The following SGCG variants were observed in gnomAD, a reference collection of about 807,000 sequenced individuals.
SGCG encodes the protein gamma-sarcoglycan.
A neutral mutation model predicts 29.3 loss-of-function variants in SGCG; 26 were observed. The observed-to-expected ratio is 0.89, with a 90% CI of 0.65 to 1.23. The LOEUF (loss-of-function observed/expected upper bound fraction) is 1.23, where lower values mean the gene tolerates loss of function less well. Ranked by LOEUF, SGCG falls within the 50% of genes most tolerant of loss-of-function variation. The pLI, the probability that SGCG is intolerant of heterozygous loss-of-function variation, is 0.00. For synonymous variants in SGCG, 145 were observed against 129.7 expected (o/e 1.12, Z -0.80); for missense variants, 353 against 356.0 (o/e 0.99, Z 0.07).
chr13:23,286,842 TACAGG>T (rs1390679625), intron 5 of SGCG, among the ~76,000 whole-genome samples: 2 of 152,244 alleles, frequency 1.3e-5, no homozygotes, highest in Non-Finnish European at 2.9e-5. Flanking sequence ...AGGTGAATGA[TACAGG>T]ATTGTGTATA....
chr13:23,314,407 T>TATATATATATATATATATATATATAA (rs1439124394), intron 6 of SGCG, among the ~76,000 whole-genome samples: 6 of 140,944 alleles, frequency 4.3e-5, no homozygotes, highest in African/African-American at 1.6e-4. Context: ...TATATATATA[T>TATATATATATATATATATATATATAA]AATCTTATTC....
At chr13:23,276,662 T>G (rs1367129918) in intron 4 of SGCG, among the ~76,000 whole-genome samples, 1 of 152,188 alleles carries the variant, frequency 6.6e-6, no homozygotes, top group Non-Finnish European at 1.5e-5. Flanking sequence ...GAACTCCTGA[T>G]GAGCTCAGGC....
chr13:23,230,691 C>T (rs61946679), intron 2 of SGCG, among the ~76,000 whole-genome samples: 3 of 152,118 alleles, frequency 2.0e-5, no homozygotes, highest in African/African-American at 7.2e-5. Flanking sequence ...TGGGCAGAGA[C>T]TATGGGTTAT....
intron 2 of SGCG, among the ~76,000 whole-genome samples, chr13:23,222,249 T>C (rs1158691591): frequency 6.6e-6 from 1 of 152,214 alleles, no homozygotes; most frequent in Non-Finnish European, 1.5e-5. Flanking sequence ...ACTCTGTGGA[T>C]TGTCTCATTA....
At chr13:23,179,124 G>T (rs1256408698), upstream of SGCG, among the ~76,000 whole-genome samples, 1 of 152,160 alleles carries the variant, frequency 6.6e-6, no homozygotes, top group Admixed American at 6.5e-5. Flanking sequence ...ATGACTGTTA[G>T]ACTAGATTTC....
rs181829912 is a variant in SGCG, at chr13:23,311,734, C to G, written c.579-8903C>G. Among the ~76,000 whole-genome samples the G allele has an allele frequency of 3.9e-4, 59 of 152,308 alleles. 1 individual carries two copies. The highest frequency in any genetic ancestry group is 1.3e-3 in the African/African-American group (54 of 41,570). On this transcript the variant is annotated intron_variant, in intron 6 of 7. Coordinates refer to ENST00000218867, the MANE Select transcript of SGCG (RefSeq NM_000231.3). Reference sequence around the variant, plus strand: ...ACTAAAGATGAGTACAAAAACCCAACAGTTCCTAAATGATGCAAGGTCACT... The same window carrying G: ...ACTAAAGATGAGTACAAAAACCCAAGAGTTCCTAAATGATGCAAGGTCACT...
At chr13:23,291,811 G>C (rs1881715858) in intron 5 of SGCG, among the ~76,000 whole-genome samples, 1 of 152,176 alleles carries the variant, frequency 6.6e-6, no homozygotes, top group Non-Finnish European at 1.5e-5. Flanking sequence ...GAAAAGAATT[G>C]ACGCTGCTGT....
At chr13:23,176,957 T>C (rs1178620845), upstream of SGCG, among the ~76,000 whole-genome samples, 6 of 152,174 alleles carry the variant, frequency 3.9e-5, no homozygotes, top group Admixed American at 3.9e-4. Context: ...ATAGCCAAGA[T>C]ATAGAATCAG....
At chr13:23,214,776 G>A (rs1483926441) in intron 2 of SGCG, among the ~76,000 whole-genome samples, 13 of 152,180 alleles carry the variant, frequency 8.5e-5, no homozygotes, top group South Asian at 6.2e-4. Flanking sequence ...AAAATACAAC[G>A]CTGTAGCATT....
At position 23,227,765 on chromosome 13, in the gene SGCG, T is replaced by C. The variant is rs868107394; in HGVS notation, c.196-6846T>C. ...ATCAGTGGCTACCAAGGAATGGGCA[T>C]GGTGAACAAGAAAGGAGCCTGCAGA... On this transcript the variant is annotated intron_variant, in intron 2 of 7. Transcript: ENST00000218867. 5.9e-5 allele frequency among the ~76,000 whole-genome samples: 9 copies of C among 152,286 alleles called. No individual in the cohort carries two copies. The Middle Eastern group carries it at 0.01, about 173-fold the overall frequency.
chr13:23,162,597 G>A, the SGCG span, among the ~76,000 whole-genome samples: 1 of 152,138 alleles, frequency 6.6e-6, no homozygotes, highest in Admixed American at 6.5e-5. Context: ...CTGCACTCCA[G>A]CCTGGGCAAC....
chr13:23,180,707 G>A (rs529322607), upstream of SGCG, among the ~76,000 whole-genome samples: 1 of 152,304 alleles, frequency 6.6e-6, no homozygotes, highest in Non-Finnish European at 1.5e-5. Flanking sequence ...AAACTATCAT[G>A]CTTTAGGGTT....
At chr13:23,219,110 C>T (rs111330601) in intron 2 of SGCG, among the ~76,000 whole-genome samples, 6 of 150,662 alleles carry the variant, frequency 4.0e-5, no homozygotes, top group Non-Finnish European at 5.9e-5. Flanking sequence ...TGCAGTGGCA[C>T]GATCTCAGCT....
chr13:23,244,896 A>G (rs1462018569), intron 3 of SGCG: 1 of 152,222 alleles, frequency 6.6e-6, no homozygotes, highest in Non-Finnish European at 1.5e-5. Context: ...GGGGCCCATC[A>G]GCACCCGGAA....
At chr13:23,191,892 GAGGGA>G (rs1271314397) in intron 1 of SGCG, among the ~76,000 whole-genome samples, 1 of 152,154 alleles carries the variant, frequency 6.6e-6, no homozygotes, top group East Asian at 1.9e-4. Flanking sequence ...GATGTAAAAA[GAGGGA>G]AGTGTCGGCC....
the SGCG span, among the ~76,000 whole-genome samples, chr13:23,167,061 C>G: frequency 3.9e-5 from 6 of 152,136 alleles, no homozygotes; most frequent in Non-Finnish European, 7.3e-5. Context: ...ACTACCCTTC[C>G]CAGCCTTTGG....
chr13:23,265,992 C>T (rs1880624322), intron 4 of SGCG, among the ~76,000 whole-genome samples: 1 of 152,116 alleles, frequency 6.6e-6, no homozygotes, highest in Non-Finnish European at 1.5e-5. Flanking sequence ...AATTCAAAAT[C>T]ACAAAGATAT....
At chr13:23,288,509 C>G (rs1312575384) in intron 5 of SGCG, among the ~76,000 whole-genome samples, 1 of 152,116 alleles carries the variant, frequency 6.6e-6, no homozygotes, top group African/African-American at 2.4e-5. Context: ...TAAACAGCTT[C>G]CATTTAGATT....
At chr13:23,306,983 A>G (rs934048247) in intron 6 of SGCG, among the ~76,000 whole-genome samples, 33 of 152,254 alleles carry the variant, frequency 2.2e-4, no homozygotes, top group Non-Finnish European at 3.2e-4. Context: ...ATGTAAATGT[A>G]TAAGTTGCCC....
Sources: allele counts gnomAD v4.1 joint callset (sites outside exome capture counted in the v4.1 genomes callset), GRCh38; gene constraint gnomAD v4.1.1; transcripts MANE v1.5; gene names NCBI Gene and HGNC (gene_info 2026-07-23, HGNC 2026-07-21).